ANXA1: variants seen among roughly 807,000 people sequenced by gnomAD.
ANXA1 encodes the protein annexin A1, also known as annexin I (lipocortin I).
In ANXA1, 39 loss-of-function variants were observed where a neutral mutation model predicts 47.9. The observed-to-expected ratio is 0.81, with a 90% CI of 0.63 to 1.06. The LOEUF (loss-of-function observed/expected upper bound fraction) is 1.06, where lower values mean the gene tolerates loss of function less well. ANXA1 is among the 50% of genes least tolerant of loss of function. The pLI is 0.00. For synonymous variants in ANXA1, 146 were observed against 142.5 expected (o/e 1.02, Z -0.17); for missense variants, 446 against 422.7 (o/e 1.06, Z -0.48).
At position 73,159,581 on chromosome 9, in the gene ANXA1, T is replaced by A. The variant is rs867235716; in HGVS notation, c.270+158T>A. ...AGTGTTTATCCACTTTGTTGCAATTTAATCAATTTTATCAAATTTCCTATT... is the reference window on the plus strand; with the variant it reads ...AGTGTTTATCCACTTTGTTGCAATTAAATCAATTTTATCAAATTTCCTATT... On this transcript the variant is annotated intron_variant, in intron 4 of 12. Transcript: ENST00000257497. 2.5e-5 allele frequency: 13 copies of A among 524,874 alleles called. 1 individual carries two copies. The highest frequency in any genetic ancestry group is 1.9e-4 in the Admixed American group (5 of 26,580). 32.5% of individuals were successfully genotyped at this position (524,874 alleles called of 1,614,324 possible).
intron 7 of ANXA1, among the ~76,000 whole-genome samples, chr9:73,163,104 G>A (rs1588222277): frequency 6.6e-6 from 1 of 152,190 alleles, no homozygotes. Flanking sequence ...GAGACCACAT[G>A]GCAAGAAAGG....
At position 73,169,064 on chromosome 9, in the gene ANXA1, G is replaced by T; in HGVS notation, c.894G>T (p.Arg298Ser). The change falls in exon 12 of 13, where the codon AGG becomes AGT. Residue 298 changes from arginine to serine, a missense_variant. Physicochemically the swap from Arg to Ser is moderately radical, Grantham distance 110. Transcript: ENST00000257497. ...GAACTCGCCATAAGGCATTGATCAGGATTATGGTTTCCCGTTCTGAAATTG... is the reference window on the plus strand; with the variant it reads ...GAACTCGCCATAAGGCATTGATCAGTATTATGGTTTCCCGTTCTGAAATTG... ...GVGTRHKALI[R>S]IMVSRSEIDM... The T allele has an allele frequency of 6.2e-7, 1 of 1,613,268 alleles. No individual in the cohort carries two copies. The highest frequency in any genetic ancestry group is 8.5e-7 in the Non-Finnish European group (1 of 1,179,476).
chr9:73,166,054 A>G (rs1477133756), intron 9 of ANXA1, 43 bp from the exon 10 acceptor site: 2 of 1,469,868 alleles, frequency 1.4e-6, no homozygotes, highest in Admixed American at 2.0e-5. Flanking sequence ...TTTCTAAAGA[A>G]AAGGATGTTT....
intron 1 of ANXA1, among the ~76,000 whole-genome samples, chr9:73,155,921 G>T (rs1318010735): frequency 6.7e-6 from 1 of 149,476 alleles, no homozygotes; most frequent in African/African-American, 2.5e-5. Context: ...GCTTTCTCTG[G>T]CTTTTTTTTT....
Position 73,167,487 on chromosome 9 carries a change from T to C in ANXA1, c.803-10T>C. ...GTAAATACATCAACTAAAATTTTCTTCTCTAACAGTGAAGTGCGCCACAAG... is the reference window on the plus strand; with the variant it reads ...GTAAATACATCAACTAAAATTTTCTCCTCTAACAGTGAAGTGCGCCACAAG... On this transcript the variant is annotated splice_polypyrimidine_tract_variant and intron_variant, in intron 10 of 12. Coordinates refer to ENST00000257497, the MANE Select transcript of ANXA1 (RefSeq NM_000700.3). The C allele has an allele frequency of 6.2e-7, 1 of 1,609,652 alleles. No individual in the cohort carries two copies. Among genetic ancestry groups the C allele is most frequent in the Non-Finnish European group, 8.5e-7 (1 of 1,178,490 alleles).
At position 73,160,257 on chromosome 9, in the gene ANXA1, T is replaced by C. The variant is rs892649931; in HGVS notation, c.271-6T>C. On this transcript the variant is annotated splice_polypyrimidine_tract_variant and splice_region_variant and intron_variant, in intron 4 of 12. Transcript: ENST00000257497. The stretch of plus-strand genomic sequence containing the variant: ...GAAGTCCTGATTCTAATCTTTTTTT[T>C]TGTAGCCCCTGGATGAAACACTGAA... The C allele has an allele frequency of 1.3e-6, 2 of 1,543,694 alleles. No homozygotes were observed. The highest frequency in any genetic ancestry group is 1.7e-6 in the Non-Finnish European group (2 of 1,152,460).
At chr9:73,157,660 A>C (rs968689203) in intron 1 of ANXA1, 2 of 151,094 alleles carry the variant, frequency 1.3e-5, no homozygotes, top group Non-Finnish European at 2.9e-5. Context: ...TCTCAAAAAA[A>C]AAAAAAAAAA....
intron 11 of ANXA1, 185 bp downstream of exon 11, chr9:73,167,740 T>A: frequency 3.7e-6 from 2 of 536,712 alleles, no homozygotes; most frequent in Non-Finnish European, 6.5e-6. Context: ...ATTCGGTGCT[T>A]TTTTTTACAG....
At chr9:73,162,092 C>T (rs1380575201) in intron 6 of ANXA1, among the ~76,000 whole-genome samples, 2 of 152,040 alleles carry the variant, frequency 1.3e-5, no homozygotes, top group East Asian at 3.9e-4. Context: ...TTTCAACAGC[C>T]AGTTCTTAAA....
At chr9:73,163,005 A>G in intron 7 of ANXA1, 144 bp downstream of exon 7, 1 of 687,592 alleles carries the variant, frequency 1.5e-6, no homozygotes, top group East Asian at 2.7e-5. Flanking sequence ...TCTGATGGCT[A>G]ACAAATTCAA....
At position 73,158,716 on chromosome 9, in the gene ANXA1, G is replaced by A. The variant is rs778266723; in HGVS notation, c.88G>A (p.Gly30Ser). The A allele has an allele frequency of 6.2e-6, 10 of 1,613,706 alleles. No homozygotes were observed. The Admixed American group carries it at 1.0e-4, about 16-fold the overall frequency. ...TTAGCAAACTGTGAAGTCATCCAAAGGTGGTCCCGGATCAGCGGTGAGCCC... is the reference window on the plus strand; with the variant it reads ...TTAGCAAACTGTGAAGTCATCCAAAAGTGGTCCCGGATCAGCGGTGAGCCC... The part of the protein sequence containing the change: ...EYVQTVKSSK[G>S]GPGSAVSPYP... Residue 30 changes from glycine to serine, a missense_variant, in exon 3 of 13, where the codon GGT (glycine) becomes AGT (serine). Transcript: ENST00000257497.
At chr9:73,164,854 C>T (rs1824200419) in intron 8 of ANXA1, among the ~76,000 whole-genome samples, 1 of 152,082 alleles carries the variant, frequency 6.6e-6, no homozygotes, top group Non-Finnish European at 1.5e-5. Context: ...AATCTTAAAG[C>T]AATTTAGTTC....
At position 73,160,269 on chromosome 9, in the gene ANXA1, G is replaced by A; in HGVS notation, c.277G>A (p.Asp93Asn). The change falls in exon 5 of 13, where the codon GAT becomes AAT. Residue 93 changes from aspartate to asparagine, a missense_variant. Coordinates refer to ENST00000257497, the MANE Select transcript of ANXA1 (RefSeq NM_000700.3). ...AYLQETGKPL[D>N]ETLKKALTGH... ...CTAATCTTTTTTTTTGTAGCCCCTGGATGAAACACTGAAGAAAGCCCTTAC... is the reference window on the plus strand; with the variant it reads ...CTAATCTTTTTTTTTGTAGCCCCTGAATGAAACACTGAAGAAAGCCCTTAC... The A allele has an allele frequency of 6.4e-7, 1 of 1,556,316 alleles. No homozygotes were observed. Among genetic ancestry groups the A allele is most frequent in the Non-Finnish European group, 8.6e-7 (1 of 1,160,692 alleles).
rs953415008 is a variant in ANXA1, at chr9:73,169,099, A to T, written c.929A>T (p.Asp310Val). Residue 310 changes from aspartate (D) to valine (V), a missense_variant, in exon 12 of 13, where the codon GAT becomes GTT. Transcript: ENST00000257497. ...MVSRSEIDMN[D>V]IKAFYQKMYG... ...TCCCGTTCTGAAATTGACATGAATG[A>T]TATCAAAGCATTCTATCAGAAGATG... The T allele has an allele frequency of 1.1e-5, 17 of 1,613,336 alleles. No individual in the cohort carries two copies. The African/African-American group carries it at 1.5e-4, about 14-fold the overall frequency.
rs572752858 is a variant in ANXA1 at position 73,169,440 on chromosome 9, T to C, written c.984+286T>C. On this transcript the variant is annotated intron_variant, in intron 12 of 12. Coordinates refer to ENST00000257497, the MANE Select transcript of ANXA1 (RefSeq NM_000700.3). Reference sequence around the variant, plus strand: ...ATTCTAGTGTTCCCCCTAGGGTAGATAGACATTGTGGTTTATTTTGCCATT... The same window carrying C: ...ATTCTAGTGTTCCCCCTAGGGTAGACAGACATTGTGGTTTATTTTGCCATT... Among the ~76,000 whole-genome samples, 12 of 152,282 alleles carry C rather than the reference T, an allele frequency of 7.9e-5. 1 individual carries two copies. In the South Asian group the frequency reaches 2.3e-3, roughly 29 times the overall value.
chr9:73,166,145 T>C lies in ANXA1; in HGVS notation c.755T>C (p.Leu252Pro), dbSNP rs767497482. ...AGTAAGCATGACATGAACAAAGTTC[T>C]GGACCTGGAGTTGAAAGGTGACATT... ...KYSKHDMNKV[L>P]DLELKGDIEK... The change falls in exon 10 of 13, where the codon CTG (leucine) becomes CCG (proline). Residue 252 changes from leucine (L) to proline (P), a missense_variant. Leu to Pro is a moderately conservative substitution (Grantham distance 98, BLOSUM62 -3). Transcript: ENST00000257497. 1 of 1,612,736 alleles carries C rather than the reference T, an allele frequency of 6.2e-7. No homozygotes were observed. The highest frequency in any genetic ancestry group is 2.2e-5 in the East Asian group (1 of 44,788).
chr9:73,160,770 C>G, intron 5 of ANXA1, 33 bp from the exon 6 acceptor site: 1 of 1,530,038 alleles, frequency 6.5e-7, no homozygotes. Context: ...AGATTTTTTT[C>G]TACATTTATC....
chr9:73,167,807 A>T, intron 11 of ANXA1: 1 of 400,744 alleles, frequency 2.5e-6, no homozygotes, highest in African/African-American at 2.0e-5. Flanking sequence ...ATTTGCTTAA[A>T]ACATGTGTCA....
chr9:73,152,190 C>G (rs1165252226), intron 1 of ANXA1, among the ~76,000 whole-genome samples: 1 of 152,066 alleles, frequency 6.6e-6, no homozygotes, highest in Non-Finnish European at 1.5e-5. Flanking sequence ...TGGTAAGTTA[C>G]CATGAGAAAG....
Sources: gnomAD v4.1 joint callset for allele counts (sites outside exome capture counted in the v4.1 genomes callset) on GRCh38, gnomAD v4.1.1 for gene constraint, MANE v1.5 for transcripts, NCBI Gene and HGNC (gene_info 2026-07-23, HGNC 2026-07-21) for gene names.